NBN: variants seen among roughly 807,000 people sequenced by gnomAD.
The protein encoded by NBN is Nijmegen breakage syndrome 1 (nibrin).
In NBN, 88 loss-of-function variants were observed where a neutral mutation model predicts 90.8. The ratio of observed to expected loss-of-function variants is 0.97; its 90% CI spans 0.82 to 1.16. The LOEUF is 1.16. Among genes scored for constraint, NBN ranks in the 50% most tolerant of loss-of-function variants. The pLI, the probability that NBN is intolerant of heterozygous loss-of-function variation, is 0.00. For synonymous variants in NBN, 328 were observed against 295.1 expected, an observed-to-expected ratio of 1.11 and a Z score of -1.14; for missense variants, 894 against 869.6, an observed-to-expected ratio of 1.03 and a Z score of -0.35.
In NBN at chr8:89,953,476, T is replaced by A. The variant is rs1810545480; in HGVS notation, c.1613A>T (p.Lys538Ile). ...LKSIVKNSAS[K>I]SHAAEKLRSN... is the part of the protein sequence containing the mutation. ...TCTTAGCTTTTCTGCAGCATGAGAT[T>A]TACTGGCAGAATTTTTCACAATAGA... The change falls in exon 11 of 16, where the codon AAA becomes ATA. Residue 538 changes from lysine (K) to isoleucine (I), a missense_variant. Coordinates refer to ENST00000265433, the MANE Select transcript of NBN (RefSeq NM_002485.5). 1 of 1,613,730 alleles carries A rather than the reference T, an allele frequency of 6.2e-7. No homozygotes were observed. Among genetic ancestry groups the A allele is most frequent in the Non-Finnish European group, 8.5e-7 (1 of 1,179,722 alleles).
intron 4 of NBN, 86 bp from the exon 5 acceptor site, chr8:89,978,409 C>T (rs918980947): frequency 2.0e-6 from 2 of 1,023,654 alleles, no homozygotes; most frequent in African/African-American, 3.3e-5. Flanking sequence ...TACAAAGAGG[C>T]TGTTTACATC....
At chr8:89,978,566 A>C (rs1269021848) in intron 4 of NBN, among the ~76,000 whole-genome samples, 1 of 152,246 alleles carries the variant, frequency 6.6e-6, no homozygotes, top group Non-Finnish European at 1.5e-5. Flanking sequence ...ACCGATTATA[A>C]TACTAATTTT....
chr8:89,970,403 T>C lies in NBN; in HGVS notation c.857A>G (p.Gln286Arg), dbSNP rs1586086458. The change falls in exon 7 of 16, where the codon CAG (glutamine) becomes CGG (arginine). Residue 286 changes from glutamine to arginine, a missense_variant. Physicochemically the swap from Gln to Arg is conservative, Grantham distance 43. Transcript: ENST00000265433. ...TNSQTLIPDCQKKWIQSIMDM... is the reference protein window; with the variant it reads ...TNSQTLIPDCRKKWIQSIMDM... Reference sequence around the variant, plus strand: ...CATTATTGACTGAATCCATTTCTTCTGACAGTCAGGAATTAAGGTCTGTGA... The same window carrying C: ...CATTATTGACTGAATCCATTTCTTCCGACAGTCAGGAATTAAGGTCTGTGA... 1 of 1,613,956 alleles carries C rather than the reference T, an allele frequency of 6.2e-7. No homozygotes were observed. Among genetic ancestry groups the C allele is most frequent in the Non-Finnish European group, 8.5e-7 (1 of 1,179,856 alleles).
chr8:89,978,220 CT>C lies in NBN; in HGVS notation c.583del (p.Ser195ValfsTer36). On this transcript the variant is annotated frameshift_variant and splice_region_variant, in exon 5 of 16. Transcript: ENST00000265433. LOFTEE classifies it high-confidence loss of function. ...GTTATATTTAAAATACATAATATAC[CT>C]TTCAATTTGTGGAGGCTGCTTCTTG... ...ESKKQPPQIE[S>X]FYPPLDEPSI... 1 of 1,600,902 alleles carries C rather than the reference CT, an allele frequency of 6.2e-7. No homozygotes were observed. Among genetic ancestry groups the C allele is most frequent in the Non-Finnish European group, 8.6e-7 (1 of 1,168,310 alleles).
At position 89,958,841 on chromosome 8, in the gene NBN, T is replaced by A. The variant is rs786201619; in HGVS notation, c.1008A>T (p.Thr336=). The A allele has an allele frequency of 2.5e-6, 4 of 1,613,824 alleles. No homozygotes were observed. The highest frequency in any genetic ancestry group is 3.4e-6 in the Non-Finnish European group (4 of 1,179,732). Residue 336 remains threonine (T), a synonymous_variant, in exon 9 of 16, where the codon ACA becomes ACT. Coordinates refer to ENST00000265433, the MANE Select transcript of NBN (RefSeq NM_002485.5). ...CTTGTGAAAGGCTTGGTCCTGGAGTTGTTGTCTTTAATCCTGTAAATCACA... is the reference window on the plus strand; with the variant it reads ...CTTGTGAAAGGCTTGGTCCTGGAGTAGTTGTCTTTAATCCTGTAAATCACA... The part of the protein sequence containing the change: ...QGHPSTGLKT[T]TPGPSLSQGV...
chr8:89,942,695 A>C (rs776089968), intron 14 of NBN, among the ~76,000 whole-genome samples: 10 of 152,202 alleles, frequency 6.6e-5, no homozygotes, highest in Non-Finnish European at 1.3e-4. Context: ...AGTAAATCGG[A>C]AGATGATCTG....
Position 89,953,650 on chromosome 8 carries a change from G to A in NBN, c.1439C>T (p.Ser480Leu), listed in dbSNP as rs2129703595. Reference sequence around the variant, plus strand: ...AGAACAAGACGTTTCTATTCTTGCTGATTTGCATGAAGACATTTCTTGATT... The same window carrying A: ...AGAACAAGACGTTTCTATTCTTGCTAATTTGCATGAAGACATTTCTTGATT... ...EENQEMSSCKSARIETSCSLL... is the reference protein window; with the variant it reads ...EENQEMSSCKLARIETSCSLL... The change falls in exon 11 of 16, where the codon TCA becomes TTA. Residue 480 changes from serine (S) to leucine (L), a missense_variant. Physicochemically the swap from Ser to Leu is moderately radical, Grantham distance 145. Coordinates refer to ENST00000265433, the MANE Select transcript of NBN (RefSeq NM_002485.5). 2 of 1,612,408 alleles carry A rather than the reference G, an allele frequency of 1.2e-6. No homozygotes were observed. The highest frequency in any genetic ancestry group is 1.7e-6 in the Non-Finnish European group (2 of 1,179,398).
At position 89,943,129 on chromosome 8, in the gene NBN, GC is replaced by G. The variant is rs199792476; in HGVS notation, c.2184+123del. 1,161 of 914,956 alleles carry G rather than the reference GC, an allele frequency of 1.3e-3. 12 individuals are homozygous for G. The African/African-American group carries it at 0.016, about 13-fold the overall frequency. The allele number at this position is 914,956 out of a possible 1,614,324, so 56.7% of individuals were successfully genotyped here. A position where few individuals can be genotyped will look rare whatever the true frequency, so the allele number is the denominator to read the frequency against. ...GATTAATGCTCTGTAACTCAGGAAT[GC>G]TCCTGAATGAATGACTTTATGTCAC... On this transcript the variant is annotated intron_variant, in intron 14 of 15. Coordinates refer to ENST00000265433, the MANE Select transcript of NBN (RefSeq NM_002485.5).
intron 8 of NBN, 53 bp downstream of exon 8, chr8:89,964,357 T>G (rs1192631430): frequency 5.0e-6 from 8 of 1,593,970 alleles, no homozygotes; most frequent in African/African-American, 1.3e-5. Context: ...ATTTAGCTTA[T>G]CGATTTACAT....
At chr8:89,979,452 T>C (rs1811945915) in intron 4 of NBN, among the ~76,000 whole-genome samples, 1 of 152,334 alleles carries the variant, frequency 6.6e-6, no homozygotes, top group East Asian at 1.9e-4. Flanking sequence ...CTCTAATACA[T>C]GTGACTTGGG....
chr8:89,946,141 T>G lies in NBN; in HGVS notation c.2069A>C (p.Lys690Thr), dbSNP rs779048193. The G allele has an allele frequency of 6.4e-7, 1 of 1,573,150 alleles. No individual in the cohort carries two copies. Among genetic ancestry groups the G allele is most frequent in the Non-Finnish European group, 8.7e-7 (1 of 1,144,622 alleles). Residue 690 changes from lysine (K) to threonine (T), a missense_variant and splice_region_variant, in exon 13 of 16, where the codon AAG becomes ACG. Transcript: ENST00000265433. ...TTGTGATACAGTTGAAATACCTACC[T>G]TTTTGAATTTCTTGAAATTTTTTAG... ...GQLKNFKKFK[K>T]VTYPGAGKLP...
At chr8:89,965,796 T>C (rs1811227142) in intron 7 of NBN, among the ~76,000 whole-genome samples, 1 of 152,138 alleles carries the variant, frequency 6.6e-6, no homozygotes, top group Non-Finnish European at 1.5e-5. Flanking sequence ...AGTCAAGATA[T>C]TTTAAATGGT....
chr8:89,969,585 T>A (rs1811410274), intron 7 of NBN, among the ~76,000 whole-genome samples: 1 of 152,232 alleles, frequency 6.6e-6, no homozygotes, highest in African/African-American at 2.4e-5. Context: ...CTGTCATGAA[T>A]AAAGATATTC....
At chr8:89,968,821 G>A (rs1259222457) in intron 7 of NBN, among the ~76,000 whole-genome samples, 3 of 151,980 alleles carry the variant, frequency 2.0e-5, no homozygotes, top group Non-Finnish European at 2.9e-5. Flanking sequence ...GTGATGGCAG[G>A]GACTGTGACT....
chr8:89,970,280 C>A, intron 7 of NBN, 84 bp downstream of exon 7: 1 of 1,206,178 alleles, frequency 8.3e-7, no homozygotes, highest in Non-Finnish European at 1.2e-6. Flanking sequence ...TCTACTTTTA[C>A]ATTGTTAGGT....
chr8:89,970,672 GAGT>G (rs1167987953), intron 6 of NBN, 115 bp from the exon 7 acceptor site: 1 of 1,026,504 alleles, frequency 9.7e-7, no homozygotes, highest in Non-Finnish European at 1.5e-6. Context: ...GCTACTTCTT[GAGT>G]AGGTCATTTC....
At chr8:89,960,080 TA>T (rs1310539934) in intron 8 of NBN, among the ~76,000 whole-genome samples, 1 of 152,172 alleles carries the variant, frequency 6.6e-6, no homozygotes. Context: ...AGAGTAGATG[TA>T]AAAAAAGTTT....
intron 5 of NBN, among the ~76,000 whole-genome samples, chr8:89,976,778 A>G (rs554630801): frequency 7.2e-5 from 11 of 152,292 alleles, no homozygotes; most frequent in African/African-American, 2.6e-4. Context: ...TTGGACTCAA[A>G]AAATTTTAAG....
In NBN at chr8:89,947,826, ATATT is replaced by A; in HGVS notation, c.1908_1911del (p.Glu636AspfsTer20). The A allele has an allele frequency of 6.4e-7, 1 of 1,557,894 alleles. No individual in the cohort carries two copies. Among genetic ancestry groups the A allele is most frequent in the Non-Finnish European group, 8.8e-7 (1 of 1,133,988 alleles). ...AAAATTAATAAAACGTTTCTCACAG[ATATT>A]TCTTTAGCTGACCATAGTGAGTCTT... On this transcript the variant is annotated frameshift_variant, in exon 12 of 16. Transcript: ENST00000265433. LOFTEE classifies it high-confidence loss of function.
Sources: allele counts gnomAD v4.1 joint callset (sites outside exome capture counted in the v4.1 genomes callset), GRCh38; gene constraint gnomAD v4.1.1; transcripts MANE v1.5; gene names NCBI Gene and HGNC (gene_info 2026-07-23, HGNC 2026-07-21).